Variants in PRPF39 observed in about 807,000 individuals in gnomAD.
PRPF39 encodes the protein pre-mRNA processing factor 39.
PRPF39 carries 27 observed loss-of-function variants against 82.1 expected under a neutral mutation model. The observed-to-expected ratio is 0.33, with a 90% CI of 0.24 to 0.45. The LOEUF is 0.45. Ranked by LOEUF, PRPF39 falls within the 20% of genes least tolerant of loss-of-function variation. The pLI, the probability that PRPF39 is intolerant of heterozygous loss-of-function variation, is 1.00. For synonymous variants in PRPF39, 261 were observed against 256.4 expected (o/e 1.02, Z -0.17); for missense variants, 581 against 796.9 (o/e 0.73, Z 3.26).
Position 45,114,220 on chromosome 14 carries a change from A to G in PRPF39, c.1795A>G (p.Lys599Glu). 6.2e-7 allele frequency: 1 copy of G among 1,603,954 alleles called. No individual in the cohort carries two copies. The highest frequency in any genetic ancestry group is 8.5e-7 in the Non-Finnish European group (1 of 1,173,188). Reference sequence around the variant, plus strand: ...TTATGATGAACATCAAACACTCCTGAAAGAACAGGATTCTTTAAAAAGGAA... The same window carrying G: ...TTATGATGAACATCAAACACTCCTGGAAGAACAGGATTCTTTAAAAAGGAA... ...NAYDEHQTLL[K>E]EQDSLKRKAE... Residue 599 changes from lysine (K) to glutamate (E), a missense_variant, in exon 12 of 14, where the codon AAA becomes GAA. Coordinates refer to ENST00000355765, the MANE Select transcript of PRPF39 (RefSeq NM_017922.4).
At chr14:45,102,078 A>T (rs887738479) in intron 4 of PRPF39, among the ~76,000 whole-genome samples, 1 of 152,122 alleles carries the variant, frequency 6.6e-6, no homozygotes, top group African/African-American at 2.4e-5. Flanking sequence ...AAGTGCTGCG[A>T]TTACAGGCAT....
At chr14:45,105,256 T>C (rs543088464) in intron 5 of PRPF39, among the ~76,000 whole-genome samples, 1 of 152,306 alleles carries the variant, frequency 6.6e-6, no homozygotes, top group Admixed American at 6.5e-5. Flanking sequence ...TAGCAATAAG[T>C]CATTTTAGAT....
chr14:45,106,849 A>T (rs1594734221), intron 5 of PRPF39, among the ~76,000 whole-genome samples: 1 of 152,174 alleles, frequency 6.6e-6, no homozygotes. Flanking sequence ...GGCTTGGAGG[A>T]CCATACTACA....
intron 5 of PRPF39, 40 bp from the exon 6 acceptor site, chr14:45,107,411 T>G (rs1215628062): frequency 7.1e-7 from 1 of 1,409,948 alleles, no homozygotes; most frequent in East Asian, 2.5e-5. Flanking sequence ...AGATCTAAAA[T>G]TATGATTCAA....
chr14:45,111,672 A>C lies in PRPF39; in HGVS notation c.1573-646A>C, dbSNP rs563354754. On this transcript the variant is annotated intron_variant, in intron 10 of 13. Transcript: ENST00000355765. Reference sequence around the variant, plus strand: ...TTTTTTTTTTTTGAGACAGAGTTTCATTGTCATTGAGGCTGGAGTGCAGTA... The same window carrying C: ...TTTTTTTTTTTTGAGACAGAGTTTCCTTGTCATTGAGGCTGGAGTGCAGTA... 1.6e-4 allele frequency among the ~76,000 whole-genome samples: 15 copies of C among 91,502 alleles called. No homozygotes were observed. The East Asian group carries it at 4.5e-3, about 27-fold the overall frequency. 60.0% of individuals were successfully genotyped at this position (91,502 alleles called of 152,430 possible).
At chr14:45,096,293 AGAT>A in intron 3 of PRPF39, 65 bp downstream of exon 3, 1 of 1,453,938 alleles carries the variant, frequency 6.9e-7, no homozygotes, top group Non-Finnish European at 9.2e-7. Context: ...AACAAAACAA[AGAT>A]TTTTTTTTTT....
chr14:45,096,559 A>AC (rs1884207344), intron 3 of PRPF39: 1 of 1,433,632 alleles, frequency 7.0e-7, no homozygotes, highest in African/African-American at 1.4e-5. Context: ...TTGGTTTGCT[A>AC]GTCACATTTG....
In PRPF39 at chr14:45,097,911, CTCTT is replaced by C. The variant is rs535471436; in HGVS notation, c.569+911_569+914del. On this transcript the variant is annotated intron_variant, in intron 4 of 13. Transcript: ENST00000355765. ...CTCCACCTCCCTTCAAATATTTTAGCTCTTTCTTCTGGTATTTTCCACCATGTGT... is the reference window on the plus strand; with the variant it reads ...CTCCACCTCCCTTCAAATATTTTAGCTCTTCTGGTATTTTCCACCATGTGT... 9.1e-3 allele frequency among the ~76,000 whole-genome samples: 1,387 copies of C among 152,270 alleles called. 10 individuals are homozygous for C. The highest frequency in any genetic ancestry group is 0.011 in the Non-Finnish European group (757 of 68,020).
At chr14:45,108,360 A>C (rs1346161218) in intron 6 of PRPF39, 55 bp from the exon 7 acceptor site, 1 of 1,496,622 alleles carries the variant, frequency 6.7e-7, no homozygotes. Flanking sequence ...AGTGATATTG[A>C]AAATTTTCAG....
chr14:45,112,550 T>A, intron 11 of PRPF39, 48 bp downstream of exon 11: 1 of 1,401,128 alleles, frequency 7.1e-7, no homozygotes, highest in East Asian at 2.5e-5. Context: ...TGAGCATTGA[T>A]ATTTTTGTAT....
rs73340618 is a variant in PRPF39 at position 45,112,134 on chromosome 14, C to A, written c.1573-184C>A. Among the ~76,000 whole-genome samples the A allele has an allele frequency of 5.5e-3, 838 of 152,170 alleles. 5 individuals carry two copies. Among genetic ancestry groups the A allele is most frequent in the African/African-American group, 0.018 (733 of 41,532 alleles). On this transcript the variant is annotated intron_variant, in intron 10 of 13. Coordinates refer to ENST00000355765, the MANE Select transcript of PRPF39 (RefSeq NM_017922.4). ...AGGATGATCAACTGATTGAAAAATT[C>A]ATCAGTGTGTTAATGAATTTTTTCA...
At position 45,097,667 on chromosome 14, in the gene PRPF39, G is replaced by A. The variant is rs185952436; in HGVS notation, c.569+662G>A. Among the ~76,000 whole-genome samples, 112 of 152,114 alleles carry A rather than the reference G, an allele frequency of 7.4e-4. 2 individuals are homozygous for A. The highest frequency in any genetic ancestry group is 2.6e-3 in the African/African-American group (107 of 41,506). ...GTGGCATCTCTTTTAATTTGTTTAT[G>A]TCTTGATTGCTCATCCTGGTTTACC... is the stretch of plus-strand genomic sequence containing the variant. On this transcript the variant is annotated intron_variant, in intron 4 of 13. Transcript: ENST00000355765.
rs372360431 is a variant in PRPF39 at position 45,087,678 on chromosome 14, A to G, written c.-20+3429A>G. 7.3e-5 allele frequency among the ~76,000 whole-genome samples: 11 copies of G among 149,752 alleles called. No individual in the cohort carries two copies. In the East Asian group the frequency reaches 1.6e-3, roughly 22 times the overall value. The stretch of plus-strand genomic sequence containing the variant: ...AACCTCCGCCTCCTGGGTTCACACC[A>G]TTCTCCTACCTCAGCCTCCTGAGAA... On this transcript the variant is annotated intron_variant, in intron 1 of 13. Transcript: ENST00000355765.
chr14:45,089,108 T>G (rs2139035135), intron 1 of PRPF39, among the ~76,000 whole-genome samples: 1 of 152,342 alleles, frequency 6.6e-6, no homozygotes, highest in Admixed American at 6.5e-5. Flanking sequence ...TTTGATGTAG[T>G]CCTATTTGTC....
chr14:45,101,947 C>T (rs1173565750), intron 4 of PRPF39, among the ~76,000 whole-genome samples: 2 of 151,896 alleles, frequency 1.3e-5, no homozygotes, highest in East Asian at 1.9e-4. Flanking sequence ...GCTGGGACTA[C>T]AGGCATGTGC....
chr14:45,114,365 T>G, intron 12 of PRPF39, 108 bp downstream of exon 12: 1 of 1,341,968 alleles, frequency 7.5e-7, no homozygotes, highest in Non-Finnish European at 1.0e-6. Context: ...ATACTTTATT[T>G]TCATGATTTG....
intron 5 of PRPF39, among the ~76,000 whole-genome samples, chr14:45,106,266 T>A (rs891710849): frequency 3.3e-5 from 5 of 152,122 alleles, no homozygotes; most frequent in Non-Finnish European, 1.5e-5. Context: ...GGAGAATTGC[T>A]TGAACCCGGG....
At chr14:45,096,279 T>C in intron 3 of PRPF39, 51 bp downstream of exon 3, 1 of 1,504,356 alleles carries the variant, frequency 6.6e-7, no homozygotes. Context: ...GTAAGCCAAT[T>C]AATAACAAAA....
At chr14:45,088,743 C>T (rs1346465790) in intron 1 of PRPF39, among the ~76,000 whole-genome samples, 1 of 152,162 alleles carries the variant, frequency 6.6e-6, no homozygotes, top group Non-Finnish European at 1.5e-5. Flanking sequence ...GTGCAGATGA[C>T]ATGCTTTCAT....
Sources: gnomAD v4.1 joint callset for allele counts (sites outside exome capture counted in the v4.1 genomes callset) on GRCh38, gnomAD v4.1.1 for gene constraint, MANE v1.5 for transcripts, NCBI Gene and HGNC (gene_info 2026-07-23, HGNC 2026-07-21) for gene names.